Variants in CCSER1 observed in about 807,000 individuals in gnomAD.
CCSER1 encodes the protein serine-rich coiled-coil domain-containing protein 1.
A neutral mutation model predicts 82.0 loss-of-function variants in CCSER1; 41 were observed. That is an observed-to-expected ratio of 0.50 (90% CI 0.39 to 0.65). The LOEUF is 0.65. Among genes scored for constraint, CCSER1 ranks in the 30% least tolerant of loss-of-function variants. The pLI is 0.00. For missense variants in CCSER1, 1,119 were observed against 1,064.2 expected (o/e 1.05, Z -0.72); for synonymous variants, 414 against 383.9 (o/e 1.08, Z -0.92).
intron 7 of CCSER1, among the ~76,000 whole-genome samples, chr4:90,742,259 T>A (rs1158289557): frequency 6.6e-6 from 1 of 152,114 alleles, no homozygotes. Context: ...AACATGAGAT[T>A]TGGGTGGGGA....
At chr4:90,553,248 G>A (rs989424422) in intron 5 of CCSER1, among the ~76,000 whole-genome samples, 2 of 152,162 alleles carry the variant, frequency 1.3e-5, no homozygotes, top group East Asian at 1.9e-4. Context: ...GATTACAGGC[G>A]TGAGCCATTG....
At chr4:90,808,581 A>G (rs1023089484) in intron 7 of CCSER1, among the ~76,000 whole-genome samples, 16 of 152,198 alleles carry the variant, frequency 1.1e-4, no homozygotes, top group African/African-American at 3.9e-4. Flanking sequence ...GGTAAATGAC[A>G]TAAGCAGACA....
At chr4:90,359,945 G>A (rs1186314298) in intron 3 of CCSER1, among the ~76,000 whole-genome samples, 1 of 145,240 alleles carries the variant, frequency 6.9e-6, no homozygotes, top group East Asian at 2.1e-4. Flanking sequence ...TTGAGACGGA[G>A]TCTCACACTG....
At chr4:90,879,509 AGAAGAAGAG>A (rs1201136825) in intron 8 of CCSER1, among the ~76,000 whole-genome samples, 34 of 137,108 alleles carry the variant, frequency 2.5e-4, no homozygotes, top group African/African-American at 7.7e-4. Context: ...AAGAAGAAGA[AGAAGAAGAG>A]GAAGAGGAAG....
rs140160722 is a variant in CCSER1 at position 91,589,682 on chromosome 4, A to G, written c.2218-8890A>G. On this transcript the variant is annotated intron_variant, in intron 10 of 10. Transcript: ENST00000509176. ...TTCTCCACTCCTTTCCCTCTAGCAT[A>G]TAAATTTAACTTAAATCTTTAACTC... Among the ~76,000 whole-genome samples the G allele has an allele frequency of 3.2e-3, 485 of 151,744 alleles. 2 individuals carry two copies. The highest frequency in any genetic ancestry group is 5.8e-3 in the Non-Finnish European group (395 of 67,910).
At chr4:90,644,087 CAG>C (rs1727053806) in intron 6 of CCSER1, among the ~76,000 whole-genome samples, 1 of 152,104 alleles carries the variant, frequency 6.6e-6, no homozygotes, top group Admixed American at 6.5e-5. Context: ...ACGTTTGTTG[CAG>C]AGATTCTTTT....
chr4:90,768,636 T>C (rs188007537), intron 7 of CCSER1, among the ~76,000 whole-genome samples: 1 of 152,268 alleles, frequency 6.6e-6, no homozygotes, highest in Admixed American at 6.5e-5. Context: ...AGGCTGTAGG[T>C]TAGGACTTTC....
At chr4:91,561,845 T>C (rs932543946) in intron 10 of CCSER1, among the ~76,000 whole-genome samples, 6 of 151,518 alleles carry the variant, frequency 4.0e-5, no homozygotes, top group Non-Finnish European at 8.9e-5. Context: ...GGAGCACTCT[T>C]ATGAACATAT....
rs1402677114 is a variant in CCSER1, at chr4:90,127,714, C to T, written c.-159C>T. On this transcript the variant is annotated 5_prime_UTR_variant, in exon 1 of 11. Coordinates refer to ENST00000509176, the MANE Select transcript of CCSER1 (RefSeq NM_001145065.2). ...CAACTGGGAGTGGAGAGGAGCCCAACAGCCGAGAAGGGGAGGGAGGGCAGA... is the reference window on the plus strand; with the variant it reads ...CAACTGGGAGTGGAGAGGAGCCCAATAGCCGAGAAGGGGAGGGAGGGCAGA... The T allele has an allele frequency of 2.6e-5, 4 of 153,314 alleles. No homozygotes were observed. Among genetic ancestry groups the T allele is most frequent in the African/African-American group, 7.2e-5 (3 of 41,454 alleles). 9.5% of individuals were successfully genotyped at this position (153,314 alleles called of 1,614,324 possible).
At chr4:91,418,303 T>TAAA (rs142070235) in intron 10 of CCSER1, among the ~76,000 whole-genome samples, 34,662 of 113,014 alleles carry the variant, frequency 0.31, 5,535 homozygotes, top group South Asian at 0.4. Context: ...ATTTTTTAAT[T>TAAA]AAAAAAAAAA....
At chr4:90,593,702 G>A (rs187679174) in intron 5 of CCSER1, among the ~76,000 whole-genome samples, 1 of 151,802 alleles carries the variant, frequency 6.6e-6, no homozygotes, top group East Asian at 1.9e-4. Context: ...TTTTCCCTGG[G>A]TGTTATATTC....
In CCSER1 at chr4:91,599,230, A is replaced by G. The variant is rs1764724515; in HGVS notation, c.*173A>G. 1 of 750,654 alleles carries G rather than the reference A, an allele frequency of 1.3e-6. No individual in the cohort carries two copies. Among genetic ancestry groups the G allele is most frequent in the Non-Finnish European group, 2.0e-6 (1 of 494,982 alleles). The allele number at this position is 750,654 out of a possible 1,614,324, so 46.5% of individuals were successfully genotyped here. ...AAAGACTTGTGGGTTTTTTTTTTCC[A>G]AGAGTGAAAGTTTGAGCATGTTAAT... On this transcript the variant is annotated 3_prime_UTR_variant, in exon 11 of 11. Coordinates refer to ENST00000509176, the MANE Select transcript of CCSER1 (RefSeq NM_001145065.2).
At chr4:90,966,146 C>T (rs1265960517) in intron 9 of CCSER1, among the ~76,000 whole-genome samples, 1 of 151,496 alleles carries the variant, frequency 6.6e-6, no homozygotes, top group African/African-American at 2.4e-5. Context: ...TATCAACATA[C>T]ACATGAGATT....
At chr4:90,887,357 C>T (rs916106687) in intron 8 of CCSER1, among the ~76,000 whole-genome samples, 2 of 152,126 alleles carry the variant, frequency 1.3e-5, no homozygotes, top group Non-Finnish European at 2.9e-5. Flanking sequence ...GGTTCCTTGC[C>T]TACCTTCTCA....
intron 10 of CCSER1, among the ~76,000 whole-genome samples, chr4:91,302,651 C>T (rs1450971768): frequency 6.6e-6 from 1 of 151,916 alleles, no homozygotes; most frequent in Non-Finnish European, 1.5e-5. Context: ...CTTAAAAGGC[C>T]TTATTATTCT....
intron 5 of CCSER1, among the ~76,000 whole-genome samples, chr4:90,503,540 C>T (rs1213743481): frequency 6.6e-6 from 1 of 152,080 alleles, no homozygotes; most frequent in Non-Finnish European, 1.5e-5. Flanking sequence ...TTAGGTATAT[C>T]TCCTAATGCT....
intron 6 of CCSER1, among the ~76,000 whole-genome samples, chr4:90,652,175 A>G (rs1015857077): frequency 4.6e-5 from 7 of 152,324 alleles, no homozygotes; most frequent in Admixed American, 3.9e-4. Flanking sequence ...AGTAAATTTT[A>G]AAATTGTAGG....
At chr4:90,270,983 T>C (rs1329733960) in intron 1 of CCSER1, among the ~76,000 whole-genome samples, 3 of 152,020 alleles carry the variant, frequency 2.0e-5, no homozygotes, top group African/African-American at 7.2e-5. Context: ...GATGAAAGAA[T>C]TGGATAAGGA....
intron 10 of CCSER1, among the ~76,000 whole-genome samples, chr4:91,492,066 A>G (rs1758575921): frequency 6.6e-6 from 1 of 151,224 alleles, no homozygotes; most frequent in Non-Finnish European, 1.5e-5. Context: ...GGTTTTTACC[A>G]TACTCCTGAT....
Sources: allele counts gnomAD v4.1 joint callset (sites outside exome capture counted in the v4.1 genomes callset), GRCh38; gene constraint gnomAD v4.1.1; transcripts MANE v1.5; gene names NCBI Gene and HGNC (gene_info 2026-07-23, HGNC 2026-07-21).